The following CACNG2 variants were observed in gnomAD, a reference collection of about 807,000 sequenced individuals.
CACNG2 encodes the protein voltage-dependent calcium channel gamma-2 subunit.
CACNG2 carries 3 observed loss-of-function variants against 25.9 expected under a neutral mutation model. The observed-to-expected ratio is 0.12, with a 90% CI of 0.05 to 0.30. The LOEUF (loss-of-function observed/expected upper bound fraction) is 0.30. Among genes scored for constraint, CACNG2 ranks in the 10% least tolerant of loss-of-function variants. The pLI is 1.00. For synonymous variants in CACNG2, 167 were observed against 173.3 expected, an observed-to-expected ratio of 0.96 and a Z score of 0.29; for missense variants, 341 against 432.5, an observed-to-expected ratio of 0.79 and a Z score of 1.88.
chr22:36,686,410 C>G (rs1221494251), intron 1 of CACNG2, among the ~76,000 whole-genome samples: 1 of 152,160 alleles, frequency 6.6e-6, no homozygotes, highest in Non-Finnish European at 1.5e-5. Flanking sequence ...TGCGGAAGGG[C>G]CCTTGGATTT....
intron 1 of CACNG2, among the ~76,000 whole-genome samples, chr22:36,593,889 G>C (rs1395279264): frequency 6.6e-6 from 1 of 152,046 alleles, no homozygotes; most frequent in Non-Finnish European, 1.5e-5. Flanking sequence ...TATAGGAGGG[G>C]AGGGGGCACT....
intron 1 of CACNG2, among the ~76,000 whole-genome samples, chr22:36,649,500 G>A (rs990112472): frequency 2.0e-5 from 3 of 152,142 alleles, no homozygotes; most frequent in Non-Finnish European, 4.4e-5. Context: ...CACCATGTTA[G>A]CCAGGCTAGT....
At position 36,587,402 on chromosome 22, in the gene CACNG2, G is replaced by A. The variant is rs553113495; in HGVS notation, c.295+63C>T. The A allele has an allele frequency of 1.2e-4, 146 of 1,213,160 alleles. 1 individual carries two copies. The highest frequency in any genetic ancestry group is 4.5e-5 in the Non-Finnish European group (37 of 814,070). 75.1% of individuals were successfully genotyped at this position (1,213,160 alleles called of 1,614,324 possible). A position where few individuals can be genotyped will look rare whatever the true frequency, so the allele number is the denominator to read the frequency against. On this transcript the variant is annotated intron_variant, in intron 2 of 3. Transcript: ENST00000300105. ...CTAGGTAGGCCTGGTCCTTGACTCT[G>A]TGAAGGATGGAAGGGCAGGGCCCAC...
chr22:36,564,342 C>T lies in CACNG2; in HGVS notation c.*9G>A. 6.2e-7 allele frequency: 1 copy of T among 1,610,804 alleles called. No homozygotes were observed. Among genetic ancestry groups the T allele is most frequent in the Non-Finnish European group, 8.5e-7 (1 of 1,178,608 alleles). On this transcript the variant is annotated 3_prime_UTR_variant, in exon 4 of 4. Transcript: ENST00000300105. This position sits in a 1 kb window ranked among gnomAD's most constrained non-coding sequence, Gnocchi z 6.7. ...TCCTCCCGCGGTCTTCTGGCGAGGC[C>T]CGCGGTCTTTATACGGGGGTGGTCC...
intron 1 of CACNG2, among the ~76,000 whole-genome samples, chr22:36,629,245 T>C (rs1936231182): frequency 6.6e-6 from 1 of 152,166 alleles, no homozygotes; most frequent in African/African-American, 2.4e-5. Flanking sequence ...GAAGAATATG[T>C]TCATTCTTCC....
intron 1 of CACNG2, among the ~76,000 whole-genome samples, chr22:36,679,712 AAG>A (rs2146000770): frequency 6.6e-6 from 1 of 152,248 alleles, no homozygotes; most frequent in South Asian, 2.1e-4. Flanking sequence ...GTGATGGAGA[AAG>A]AGCCCACTCC....
chr22:36,568,944 C>T (rs1281949943), intron 2 of CACNG2, among the ~76,000 whole-genome samples: 3 of 152,098 alleles, frequency 2.0e-5, no homozygotes. Context: ...CGGGATGGGG[C>T]TGCTCCTCCA....
intron 2 of CACNG2, among the ~76,000 whole-genome samples, chr22:36,584,249 T>G (rs1031962177): frequency 6.6e-6 from 1 of 152,102 alleles, no homozygotes; most frequent in Non-Finnish European, 1.5e-5. Context: ...GCCAGGAATT[T>G]AAGACCAGCC....
rs1456102943 is a variant in CACNG2, at chr22:36,702,320, G to A, written c.211+46C>T. Reference sequence around the variant, plus strand: ...GAGGGTGGGGAGGGGGGAGTGAAAGGGGAGGGGTGGGGTGGAGAGGGGGGA... The same window carrying A: ...GAGGGTGGGGAGGGGGGAGTGAAAGAGGAGGGGTGGGGTGGAGAGGGGGGA... On this transcript the variant is annotated intron_variant, in intron 1 of 3. Coordinates refer to ENST00000300105, the MANE Select transcript of CACNG2 (RefSeq NM_006078.5). 10 of 1,309,344 alleles carry A rather than the reference G, an allele frequency of 7.6e-6. No individual in the cohort carries two copies. In the Admixed American group the frequency reaches 1.2e-4, roughly 16 times the overall value. The allele number at this position is 1,309,344 out of a possible 1,614,324, so 81.1% of individuals were successfully genotyped here.
chr22:36,676,057 C>T (rs186014313), intron 1 of CACNG2, among the ~76,000 whole-genome samples: 127 of 152,252 alleles, frequency 8.3e-4, no homozygotes, highest in African/African-American at 3.0e-3. Flanking sequence ...ACACCTGGCT[C>T]GTGTGACATC....
intron 1 of CACNG2, among the ~76,000 whole-genome samples, chr22:36,617,333 T>C (rs2267349): frequency 0.088 from 13,334 of 152,202 alleles, 802 homozygotes; most frequent in East Asian, 0.23. Flanking sequence ...AAGTAGGTGT[T>C]CTATGTATGT....
chr22:36,655,224 G>T lies in CACNG2; in HGVS notation c.211+47142C>A, dbSNP rs556575767. Among the ~76,000 whole-genome samples the T allele has an allele frequency of 3.3e-5, 5 of 152,256 alleles. No individual in the cohort carries two copies. In the East Asian group the frequency reaches 9.6e-4, roughly 29 times the overall value. On this transcript the variant is annotated intron_variant, in intron 1 of 3. Coordinates refer to ENST00000300105, the MANE Select transcript of CACNG2 (RefSeq NM_006078.5). ...ACTCTTTGCAGAACTGAGCCACTTG[G>T]AGGTCTGTAATTTGTTAGGGTTAGA... is the stretch of plus-strand genomic sequence containing the variant.
intron 1 of CACNG2, among the ~76,000 whole-genome samples, chr22:36,673,945 G>A (rs566344775): frequency 1.3e-5 from 2 of 152,322 alleles, no homozygotes; most frequent in East Asian, 1.9e-4. Flanking sequence ...GAGGGCGGCC[G>A]GGGTGATTTG....
chr22:36,589,727 C>A (rs543230796), intron 1 of CACNG2, among the ~76,000 whole-genome samples: 1 of 152,224 alleles, frequency 6.6e-6, no homozygotes, highest in Non-Finnish European at 1.5e-5. Context: ...GCTGTCCCCA[C>A]CCCCATCGTG....
At chr22:36,567,655 C>A (rs953087062) in intron 2 of CACNG2, among the ~76,000 whole-genome samples, 1 of 152,012 alleles carries the variant, frequency 6.6e-6, no homozygotes, top group African/African-American at 2.4e-5. Flanking sequence ...GTGGGGGGAG[C>A]AGCACCTGAA....
chr22:36,587,178 C>G (rs1935519247), intron 2 of CACNG2, among the ~76,000 whole-genome samples: 2 of 152,082 alleles, frequency 1.3e-5, no homozygotes, highest in Admixed American at 6.5e-5. Context: ...CCTCTAGGAA[C>G]TCATGCAGAA....
chr22:36,577,826 T>G (rs1181959660), intron 2 of CACNG2, among the ~76,000 whole-genome samples: 2 of 152,054 alleles, frequency 1.3e-5, no homozygotes, highest in Non-Finnish European at 2.9e-5. Flanking sequence ...CACAATAGTT[T>G]TAGCCGCACT....
intron 2 of CACNG2, among the ~76,000 whole-genome samples, chr22:36,579,951 A>C (rs1326559492): frequency 2.0e-5 from 3 of 152,176 alleles, no homozygotes; most frequent in Non-Finnish European, 4.4e-5. Context: ...CTTTGCGCTC[A>C]TCGCTATGCA....
rs538628936 is a variant in CACNG2 at position 36,602,666 on chromosome 22, G to A, written c.212-15118C>T. Among the ~76,000 whole-genome samples the A allele has an allele frequency of 2.8e-4, 42 of 152,332 alleles. No homozygotes were observed. The East Asian group carries it at 5.2e-3, about 19-fold the overall frequency. On this transcript the variant is annotated intron_variant, in intron 1 of 3. Transcript: ENST00000300105. ...CTTCCAAAGTGTTGGGATTACAGGC[G>A]TGAGCCACTGCGCCCGGACTACTTC...
Sources: allele counts gnomAD v4.1 joint callset (sites outside exome capture counted in the v4.1 genomes callset), GRCh38; gene constraint gnomAD v4.1.1; non-coding constraint Gnocchi (gnomAD v3.1); transcripts MANE v1.5; gene names NCBI Gene and HGNC (gene_info 2026-07-23, HGNC 2026-07-21).